SENP8: variants seen among roughly 807,000 people sequenced by gnomAD.
SENP8 encodes the protein SUMO peptidase family member, NEDD8 specific, also known as sentrin-specific protease 8.
A neutral mutation model predicts 14.4 loss-of-function variants in SENP8; 10 were observed. The ratio of observed to expected loss-of-function variants is 0.69; its 90% CI spans 0.43 to 1.18. The LOEUF (loss-of-function observed/expected upper bound fraction) is 1.18. Ranked by LOEUF, SENP8 falls within the 50% of genes most tolerant of loss-of-function variation. The probability of loss-of-function intolerance (pLI) is 0.00; values close to 1 mark genes in which losing one functional copy is unlikely to be tolerated. For missense variants in SENP8, 202 were observed against 249.4 expected (o/e 0.81, Z 1.28); for synonymous variants, 94 against 95.5 (o/e 0.98, Z 0.09).
At chr15:72,131,062 G>A (rs1335701124) in intron 1 of SENP8, among the ~76,000 whole-genome samples, 1 of 152,120 alleles carries the variant, frequency 6.6e-6, no homozygotes, top group African/African-American at 2.4e-5. Flanking sequence ...AGATAGGTGG[G>A]CATGGTGGTG....
At position 72,140,218 on chromosome 15, in the gene SENP8, A is replaced by G. The variant is rs2081368282; in HGVS notation, c.595A>G (p.Arg199Gly). The change falls in exon 2 of 2, where the codon AGG becomes GGG. Residue 199 changes from arginine (R) to glycine (G), a missense_variant. Transcript: ENST00000340912. The stretch of plus-strand genomic sequence containing the variant: ...CACCCCTGCATACATCACAAAGAAG[A>G]GGGGAGAATGGAAAGATCTCATTAC... ...LLTPAYITKK[R>G]GEWKDLITTL... is the part of the protein sequence containing the mutation. The G allele has an allele frequency of 1.2e-6, 2 of 1,614,080 alleles. No individual in the cohort carries two copies. Among genetic ancestry groups the G allele is most frequent in the Non-Finnish European group, 1.7e-6 (2 of 1,179,976 alleles).
intron 1 of SENP8, among the ~76,000 whole-genome samples, chr15:72,129,268 G>A (rs1250797801): frequency 2.0e-5 from 3 of 152,026 alleles, no homozygotes; most frequent in Non-Finnish European, 2.9e-5. Flanking sequence ...GGTAGCTCAC[G>A]CCTATCAACC....
At chr15:72,129,820 G>T (rs4238450) in intron 1 of SENP8, among the ~76,000 whole-genome samples, 150,581 of 150,582 alleles carry the variant, frequency 1, 75,290 homozygotes, top group Non-Finnish European at 1. Flanking sequence ...CCAGCCTGGG[G>T]GACAGAGTGA....
chr15:72,133,671 A>G (rs1465046614), intron 1 of SENP8, among the ~76,000 whole-genome samples: 1 of 152,216 alleles, frequency 6.6e-6, no homozygotes, highest in Non-Finnish European at 1.5e-5. Flanking sequence ...ACATCTTTGT[A>G]TCTCCCATAG....
At chr15:72,118,882 G>A (rs2081107393) in intron 1 of SENP8, among the ~76,000 whole-genome samples, 1 of 152,224 alleles carries the variant, frequency 6.6e-6, no homozygotes, top group South Asian at 2.1e-4. Flanking sequence ...AGGATAACGT[G>A]AGGAAGCCCT....
At chr15:72,118,787 G>T (rs190393383) in intron 1 of SENP8, among the ~76,000 whole-genome samples, 2 of 152,284 alleles carry the variant, frequency 1.3e-5, no homozygotes, top group Admixed American at 6.5e-5. Context: ...GAGAGAATCC[G>T]CAGTGGTAGT....
chr15:72,131,541 G>A, intron 1 of SENP8, among the ~76,000 whole-genome samples: 1 of 152,090 alleles, frequency 6.6e-6, no homozygotes, highest in East Asian at 1.9e-4. Context: ...TATTCAAGTA[G>A]TGTGCATCTT....
chr15:72,127,630 A>C (rs2081233139), intron 1 of SENP8, among the ~76,000 whole-genome samples: 1 of 152,186 alleles, frequency 6.6e-6, no homozygotes, highest in African/African-American at 2.4e-5. Flanking sequence ...TATGATAGCT[A>C]CTAGAGACTC....
Position 72,141,230 on chromosome 15 carries a change from A to G in SENP8, c.*968A>G, listed in dbSNP as rs1365911218. 6.6e-6 allele frequency: 1 copy of G among 152,164 alleles called. No individual in the cohort carries two copies. The highest frequency in any genetic ancestry group is 1.9e-4 in the East Asian group (1 of 5,200). 9.4% of individuals were successfully genotyped at this position (152,164 alleles called of 1,614,324 possible). ...ATGGTAATTTCAGGATGATTTTTGT[A>G]TCTGAAACTTAACAGACTTAGAGTT... On this transcript the variant is annotated 3_prime_UTR_variant, in exon 2 of 2. Coordinates refer to ENST00000340912, the MANE Select transcript of SENP8 (RefSeq NM_145204.4).
chr15:72,143,582 T>C lies in SENP8; in HGVS notation c.*3320T>C, dbSNP rs1294719311. ...ATATTACCATATATATAAAGTAACT[T>C]GTACATTTTTGAGGTTCTATAGAAA... On this transcript the variant is annotated 3_prime_UTR_variant, in exon 2 of 2. Coordinates refer to ENST00000340912, the MANE Select transcript of SENP8 (RefSeq NM_145204.4). 6.6e-6 allele frequency: 1 copy of C among 152,162 alleles called. No homozygotes were observed. Among genetic ancestry groups the C allele is most frequent in the Non-Finnish European group, 1.5e-5 (1 of 68,028 alleles). The allele number at this position is 152,162 out of a possible 1,614,324, so 9.4% of individuals were successfully genotyped here.
intron 1 of SENP8, among the ~76,000 whole-genome samples, chr15:72,125,057 A>T (rs957300386): frequency 6.6e-6 from 1 of 152,078 alleles, no homozygotes; most frequent in South Asian, 2.1e-4. Flanking sequence ...TGAACTCCAG[A>T]TTGTTTCCAG....
At chr15:72,137,127 A>G (rs1388577380) in intron 1 of SENP8, among the ~76,000 whole-genome samples, 1 of 152,132 alleles carries the variant, frequency 6.6e-6, no homozygotes, top group Non-Finnish European at 1.5e-5. Context: ...ATGTCATCTA[A>G]TTGATAAATA....
intron 1 of SENP8, among the ~76,000 whole-genome samples, chr15:72,127,696 A>G (rs563712739): frequency 6.6e-6 from 1 of 152,302 alleles, no homozygotes; most frequent in South Asian, 2.1e-4. Context: ...ATTTTGATGG[A>G]GAATTTATTG....
At chr15:72,130,780 C>T (rs901706304) in intron 1 of SENP8, among the ~76,000 whole-genome samples, 2 of 152,070 alleles carry the variant, frequency 1.3e-5, no homozygotes, top group Non-Finnish European at 2.9e-5. Flanking sequence ...TCAGGCCAGT[C>T]TCGAACTCCC....
At chr15:72,126,645 T>C (rs755272587) in intron 1 of SENP8, among the ~76,000 whole-genome samples, 1 of 151,996 alleles carries the variant, frequency 6.6e-6, no homozygotes, top group African/African-American at 2.4e-5. Flanking sequence ...AAAATTTCCG[T>C]CACAAGAAGT....
At chr15:72,116,609 C>A (rs1015667064), upstream of SENP8, among the ~76,000 whole-genome samples, 1 of 152,072 alleles carries the variant, frequency 6.6e-6, no homozygotes, top group Non-Finnish European at 1.5e-5. Context: ...ATTTTTCTAG[C>A]AAATCCAAAA....
chr15:72,120,424 G>A (rs893708423), intron 1 of SENP8, among the ~76,000 whole-genome samples: 2 of 152,180 alleles, frequency 1.3e-5, no homozygotes, highest in Non-Finnish European at 2.9e-5. Flanking sequence ...GAGAGTAGAG[G>A]TGGGACAGAG....
At chr15:72,124,725 A>C (rs2081199780) in intron 1 of SENP8, among the ~76,000 whole-genome samples, 1 of 152,156 alleles carries the variant, frequency 6.6e-6, no homozygotes, top group Non-Finnish European at 1.5e-5. Flanking sequence ...TACATCTTTT[A>C]TTCCTCTTCA....
At chr15:72,138,964 C>CAAA (rs71133960) in intron 1 of SENP8, among the ~76,000 whole-genome samples, 4 of 42,812 alleles carry the variant, frequency 9.3e-5, no homozygotes, top group African/African-American at 1.7e-4. Flanking sequence ...GACTCCATCT[C>CAAA]AAAAAAAAAA....
Sources: allele counts gnomAD v4.1 joint callset (sites outside exome capture counted in the v4.1 genomes callset), GRCh38; gene constraint gnomAD v4.1.1; transcripts MANE v1.5; gene names NCBI Gene and HGNC (gene_info 2026-07-23, HGNC 2026-07-21).